The following TRHDE variants were observed in gnomAD, a reference collection of about 807,000 sequenced individuals.
TRHDE encodes the protein thyrotropin releasing hormone degrading enzyme.
Under a neutral mutation model 125.7 loss-of-function variants are expected in TRHDE, and 72 were observed. That is an observed-to-expected ratio of 0.57 (90% CI 0.47 to 0.70). The LOEUF (loss-of-function observed/expected upper bound fraction) is 0.70. Among genes scored for constraint, TRHDE ranks in the 30% least tolerant of loss-of-function variants. The probability of loss-of-function intolerance (pLI) is 0.00; values close to 1 mark genes in which losing one functional copy is unlikely to be tolerated. For synonymous variants in TRHDE, 509 were observed against 509.1 expected (o/e 1.00, Z 0.00); for missense variants, 1,110 against 1,327.1 (o/e 0.84, Z 2.54).
intron 15 of TRHDE, among the ~76,000 whole-genome samples, chr12:72,636,881 T>C (rs1247854390): frequency 6.6e-6 from 1 of 152,000 alleles, no homozygotes; most frequent in African/African-American, 2.4e-5. Flanking sequence ...ATAAGCTTTT[T>C]GATGTGCTGC....
intron 2 of TRHDE, among the ~76,000 whole-genome samples, chr12:72,363,401 A>T (rs565765363): frequency 6.6e-6 from 1 of 151,928 alleles, no homozygotes; most frequent in African/African-American, 2.4e-5. Context: ...ATCCAGCAGC[A>T]CATCAAAAAG....
At chr12:72,592,708 C>CTTTTTTT (rs35446767) in intron 12 of TRHDE, among the ~76,000 whole-genome samples, 1 of 144,590 alleles carries the variant, frequency 6.9e-6, no homozygotes, top group Non-Finnish European at 1.5e-5. Flanking sequence ...TCTTTTCTTT[C>CTTTTTTT]TTTTTTTTTT....
intron 1 of TRHDE, among the ~76,000 whole-genome samples, chr12:72,280,777 C>A (rs1348305143): frequency 1.3e-5 from 2 of 152,096 alleles, no homozygotes; most frequent in Non-Finnish European, 2.9e-5. Context: ...GGTACCAGTA[C>A]AGCAAGAAGA....
In TRHDE at chr12:72,669,868, GCTAT is replaced by G. The variant is rs1875207633; in HGVS notation, c.*6676_*6679del. The G allele has an allele frequency of 6.6e-6, 1 of 150,684 alleles. No homozygotes were observed. Among genetic ancestry groups the G allele is most frequent in the African/African-American group, 2.4e-5 (1 of 41,064 alleles). The allele number at this position is 150,684 out of a possible 1,614,324, so 9.3% of individuals were successfully genotyped here. The stretch of plus-strand genomic sequence containing the variant: ...TATTTTTCATTTTTCATTTTTCATT[GCTAT>G]CTTTTAATCCCTTTGCATTTTGATA... On this transcript the variant is annotated 3_prime_UTR_variant, in exon 19 of 19. Transcript: ENST00000261180.
At chr12:72,630,057 G>T (rs1873430377) in intron 15 of TRHDE, among the ~76,000 whole-genome samples, 2 of 149,984 alleles carry the variant, frequency 1.3e-5, no homozygotes, top group South Asian at 4.2e-4. Flanking sequence ...TATATATAAA[G>T]TATTTGAAAA....
chr12:72,659,782 A>G (rs1874844865), intron 18 of TRHDE, among the ~76,000 whole-genome samples: 1 of 152,192 alleles, frequency 6.6e-6, no homozygotes. Context: ...TTTTAAAATA[A>G]AATCATATCA....
intron 10 of TRHDE, among the ~76,000 whole-genome samples, chr12:72,574,599 G>A (rs569348326): frequency 1.3e-5 from 2 of 151,986 alleles, no homozygotes; most frequent in South Asian, 4.2e-4. Context: ...CTTTTTATTG[G>A]CTTCTGTTAA....
At chr12:72,097,810 G>A (rs1340427155) in intron 1 of TRHDE, among the ~76,000 whole-genome samples, 1 of 151,918 alleles carries the variant, frequency 6.6e-6, no homozygotes, top group African/African-American at 2.4e-5. Context: ...TTTGTGGTTT[G>A]TCACAGATTT....
chr12:72,446,747 A>C (rs1200038178), intron 3 of TRHDE, among the ~76,000 whole-genome samples: 1 of 152,156 alleles, frequency 6.6e-6, no homozygotes, highest in Non-Finnish European at 1.5e-5. Flanking sequence ...TAAACCAACG[A>C]AGATCAAAAG....
chr12:72,562,516 A>G (rs949685941), intron 8 of TRHDE, among the ~76,000 whole-genome samples: 1 of 152,050 alleles, frequency 6.6e-6, no homozygotes, highest in African/African-American at 2.4e-5. Context: ...AAAAAATTGA[A>G]GTTTTAAATA....
At chr12:72,588,367 A>C (rs955500666) in intron 12 of TRHDE, among the ~76,000 whole-genome samples, 1 of 152,230 alleles carries the variant, frequency 6.6e-6, no homozygotes, top group Non-Finnish European at 1.5e-5. Context: ...CCAGAGGAAC[A>C]GCAAGTGCAA....
At chr12:72,481,242 A>G (rs1001985212) in intron 5 of TRHDE, among the ~76,000 whole-genome samples, 2 of 151,642 alleles carry the variant, frequency 1.3e-5, no homozygotes, top group African/African-American at 4.8e-5. Flanking sequence ...TTTTCTTTTT[A>G]TCAAGGTTAC....
intron 5 of TRHDE, among the ~76,000 whole-genome samples, chr12:72,474,290 C>T (rs891922313): frequency 2.6e-5 from 4 of 152,158 alleles, no homozygotes; most frequent in African/African-American, 9.7e-5. Flanking sequence ...AAGAACACAA[C>T]ATAAGATCTG....
intron 6 of TRHDE, among the ~76,000 whole-genome samples, chr12:72,520,615 G>C (rs1041465548): frequency 6.6e-6 from 1 of 152,166 alleles, no homozygotes; most frequent in Middle Eastern, 3.2e-3. Flanking sequence ...TGTTGCTCAC[G>C]CTGGGAGCTG....
At chr12:72,264,567 G>C (rs1001802058) in intron 2 of TRHDE, 1 of 151,958 alleles carries the variant, frequency 6.6e-6, no homozygotes, top group East Asian at 1.9e-4. Flanking sequence ...ATGAGAAACT[G>C]TTCTGGGATC....
intron 6 of TRHDE, among the ~76,000 whole-genome samples, chr12:72,537,440 G>A (rs890765361): frequency 2.0e-5 from 3 of 151,950 alleles, no homozygotes; most frequent in African/African-American, 7.2e-5. Context: ...TTCATAAGTG[G>A]TAGTTTTTCC....
intron 2 of TRHDE, among the ~76,000 whole-genome samples, chr12:72,141,875 A>G (rs1216096713): frequency 6.6e-6 from 1 of 152,174 alleles, no homozygotes; most frequent in Non-Finnish European, 1.5e-5. Context: ...ATGACAGGTG[A>G]TGGTTTGGCA....
intron 15 of TRHDE, among the ~76,000 whole-genome samples, chr12:72,636,111 G>A (rs1169519496): frequency 3.3e-5 from 5 of 152,132 alleles, no homozygotes; most frequent in South Asian, 2.1e-4. Flanking sequence ...CCATTTTCAT[G>A]ATATTGATTC....
At chr12:72,415,421 A>T (rs1216055364) in intron 3 of TRHDE, among the ~76,000 whole-genome samples, 2 of 152,052 alleles carry the variant, frequency 1.3e-5, no homozygotes, top group Non-Finnish European at 2.9e-5. Flanking sequence ...AATATACAAC[A>T]CATTATTATT....
Sources: allele counts gnomAD v4.1 joint callset (sites outside exome capture counted in the v4.1 genomes callset), GRCh38; gene constraint gnomAD v4.1.1; transcripts MANE v1.5; gene names NCBI Gene and HGNC (gene_info 2026-07-23, HGNC 2026-07-21).